Variants in NEK6 observed in about 807,000 individuals in gnomAD.
NEK6 encodes the protein serine/threonine-protein kinase Nek6.
NEK6 carries 27 observed loss-of-function variants against 43.5 expected under a neutral mutation model. The ratio of observed to expected loss-of-function variants is 0.62; its 90% CI spans 0.46 to 0.86. The LOEUF (loss-of-function observed/expected upper bound fraction) is 0.86. NEK6 is among the 40% of genes least tolerant of loss of function. NEK6 has a pLI of 0.00. For synonymous variants in NEK6, 167 were observed against 164.1 expected (o/e 1.02, Z -0.14); for missense variants, 318 against 414.4 (o/e 0.77, Z 2.02).
chr9:124,334,537 A>G (rs779173724), intron 7 of NEK6, among the ~76,000 whole-genome samples: 5 of 152,158 alleles, frequency 3.3e-5, no homozygotes, highest in African/African-American at 4.8e-5. Context: ...CAGGCTTTCA[A>G]TATAAAGCCA....
intron 9 of NEK6, 143 bp from the exon 10 acceptor site, chr9:124,350,694 A>G: frequency 1.4e-6 from 1 of 697,988 alleles, no homozygotes; most frequent in Non-Finnish European, 2.6e-6. Flanking sequence ...CCCCAGCTAA[A>G]CACCGTTCTT....
chr9:124,284,527 A>G (rs1295882258), intron 1 of NEK6, among the ~76,000 whole-genome samples: 1 of 152,250 alleles, frequency 6.6e-6, no homozygotes, highest in Non-Finnish European at 1.5e-5. Flanking sequence ...ACCCAAAACT[A>G]TGAGCAAAGC....
intron 8 of NEK6, among the ~76,000 whole-genome samples, chr9:124,340,560 G>A (rs1427331321): frequency 6.6e-6 from 1 of 152,240 alleles, no homozygotes; most frequent in African/African-American, 2.4e-5. Flanking sequence ...ATGACAGACA[G>A]GAAAGGGCTC....
intron 7 of NEK6, among the ~76,000 whole-genome samples, chr9:124,329,126 C>T (rs1240726861): frequency 1.3e-5 from 2 of 152,224 alleles, no homozygotes; most frequent in African/African-American, 2.4e-5. Flanking sequence ...GGGACCCGGG[C>T]CACTGACTCT....
chr9:124,294,806 G>A (rs1215901320), intron 1 of NEK6, among the ~76,000 whole-genome samples: 1 of 152,214 alleles, frequency 6.6e-6, no homozygotes, highest in African/African-American at 2.4e-5. Flanking sequence ...GTTCAGGCTT[G>A]TGTGTTAGGA....
intron 7 of NEK6, among the ~76,000 whole-genome samples, chr9:124,331,248 C>T (rs1163430847): frequency 1.8e-5 from 2 of 112,616 alleles, no homozygotes; most frequent in Non-Finnish European, 3.5e-5. Flanking sequence ...CCTGGGCGAG[C>T]GACTCTGTCT....
At chr9:124,259,656 G>T (rs1028091626) in intron 1 of NEK6, among the ~76,000 whole-genome samples, 1 of 152,140 alleles carries the variant, frequency 6.6e-6, no homozygotes, top group Admixed American at 6.5e-5. Flanking sequence ...TGCCTGTGGG[G>T]AGCCGTGGAA....
chr9:124,262,409 G>A (rs187709543), intron 1 of NEK6, among the ~76,000 whole-genome samples: 4 of 152,380 alleles, frequency 2.6e-5, no homozygotes, highest in African/African-American at 7.2e-5. Flanking sequence ...TGAACTTGGA[G>A]TGGGAGCTAG....
chr9:124,299,021 C>T (rs576613695), intron 1 of NEK6, among the ~76,000 whole-genome samples: 2 of 152,336 alleles, frequency 1.3e-5, no homozygotes, highest in East Asian at 1.9e-4. Flanking sequence ...ATGCGGTCAG[C>T]GCCACGTGGG....
intron 1 of NEK6, among the ~76,000 whole-genome samples, chr9:124,269,989 A>G (rs903070306): frequency 5.9e-5 from 9 of 151,918 alleles, no homozygotes; most frequent in African/African-American, 2.2e-4. Flanking sequence ...TTTATAGAGG[A>G]GTCTCCTAGA....
At chr9:124,304,255 C>T (rs941888467) in intron 2 of NEK6, among the ~76,000 whole-genome samples, 3 of 152,342 alleles carry the variant, frequency 2.0e-5, no homozygotes, top group African/African-American at 4.8e-5. Context: ...AGCCGTGTCT[C>T]GCCTGTTTCA....
chr9:124,316,195 T>C (rs1162920554), intron 4 of NEK6, among the ~76,000 whole-genome samples: 1 of 152,216 alleles, frequency 6.6e-6, no homozygotes, highest in Non-Finnish European at 1.5e-5. Context: ...ACATCATTCA[T>C]GCAAAGAACC....
intron 2 of NEK6, among the ~76,000 whole-genome samples, chr9:124,307,626 G>A (rs1833322094): frequency 6.6e-6 from 1 of 152,224 alleles, no homozygotes; most frequent in East Asian, 1.9e-4. Context: ...TGCCTTTGGG[G>A]AGAGCTGAGG....
chr9:124,344,596 C>G (rs1015636312), intron 8 of NEK6, among the ~76,000 whole-genome samples: 1 of 152,250 alleles, frequency 6.6e-6, no homozygotes, highest in East Asian at 1.9e-4. Flanking sequence ...CTTGGGATAT[C>G]GGAAGGCCGG....
At chr9:124,342,759 A>T (rs1014739048) in intron 8 of NEK6, among the ~76,000 whole-genome samples, 1 of 152,074 alleles carries the variant, frequency 6.6e-6, no homozygotes, top group Non-Finnish European at 1.5e-5. Context: ...TTCTTTTTCC[A>T]TTCTGCTTTG....
chr9:124,301,180 C>T (rs10818940), intron 1 of NEK6, among the ~76,000 whole-genome samples: 40,551 of 152,146 alleles, frequency 0.27, 5,976 homozygotes, highest in South Asian at 0.34. Flanking sequence ...AAGCACTTGT[C>T]TGATGGGGGA....
chr9:124,337,816 C>T (rs924478706), intron 7 of NEK6, among the ~76,000 whole-genome samples: 10 of 152,182 alleles, frequency 6.6e-5, no homozygotes, highest in Non-Finnish European at 1.5e-4. Flanking sequence ...AGAAACCAGC[C>T]GATGGTCTTC....
At chr9:124,330,877 C>T (rs547293063) in intron 7 of NEK6, among the ~76,000 whole-genome samples, 15 of 152,288 alleles carry the variant, frequency 9.8e-5, no homozygotes, top group Non-Finnish European at 1.3e-4. Context: ...CTCCACCCCT[C>T]CCAGAGCCGC....
chr9:124,327,493 AC>A, intron 7 of NEK6, 48 bp downstream of exon 7: 1 of 1,461,732 alleles, frequency 6.8e-7, no homozygotes. Context: ...GGTCCTGGTG[AC>A]CATGCAGGGA....
Sources: gnomAD v4.1 joint callset for allele counts (sites outside exome capture counted in the v4.1 genomes callset) on GRCh38, gnomAD v4.1.1 for gene constraint, MANE v1.5 for transcripts, NCBI Gene and HGNC (gene_info 2026-07-23, HGNC 2026-07-21) for gene names.